The following AKAP7 variants were observed in gnomAD, a reference collection of about 807,000 sequenced individuals.
AKAP7 encodes A kinase (PRKA) anchor protein 7.
Under a neutral mutation model 39.5 loss-of-function variants are expected in AKAP7, and 39 were observed. That is an observed-to-expected ratio of 0.99 (90% CI 0.76 to 1.29). The LOEUF is 1.29. Among genes scored for constraint, AKAP7 ranks in the 50% most tolerant of loss-of-function variants. The pLI, the probability that AKAP7 is intolerant of heterozygous loss-of-function variation, is 0.00. For synonymous variants in AKAP7, 140 were observed against 139.1 expected, an observed-to-expected ratio of 1.01 and a Z score of -0.05; for missense variants, 414 against 407.7, an observed-to-expected ratio of 1.02 and a Z score of -0.13.
Position 131,199,526 on chromosome 6 carries a change from CATT to C in AKAP7, c.656_658del (p.His219del). The C allele has an allele frequency of 6.2e-7, 1 of 1,612,208 alleles. No homozygotes were observed. The highest frequency in any genetic ancestry group is 1.1e-5 in the South Asian group (1 of 91,006). ...AGGAGAGAGCAGAAGTTTTAAACCTCATTTGACCTTCATGAAGTTGTCAAAATC... is the reference window on the plus strand; with the variant it reads ...AGGAGAGAGCAGAAGTTTTAAACCTCTGACCTTCATGAAGTTGTCAAAATC... On this transcript the variant is annotated inframe_deletion, in exon 6 of 8. Coordinates refer to ENST00000431975, the MANE Select transcript of AKAP7 (RefSeq NM_016377.4).
At chr6:131,144,480 G>A (rs1018361873) in intron 1 of AKAP7, among the ~76,000 whole-genome samples, 1 of 152,150 alleles carries the variant, frequency 6.6e-6, no homozygotes, top group Non-Finnish European at 1.5e-5. Context: ...TAGTATTCCA[G>A]GATTCTGTTC....
chr6:131,262,039 AAC>A (rs1813391721), intron 7 of AKAP7, among the ~76,000 whole-genome samples: 1 of 152,182 alleles, frequency 6.6e-6, no homozygotes, highest in African/African-American at 2.4e-5. Flanking sequence ...GTGTCCCAGT[AAC>A]ACAGAATAGG....
chr6:131,134,933 C>A (rs1800419092), upstream of AKAP7, among the ~76,000 whole-genome samples: 1 of 152,122 alleles, frequency 6.6e-6, no homozygotes, highest in Non-Finnish European at 1.5e-5. Context: ...AAGTAAATTT[C>A]TTTTTCTCCC....
chr6:131,161,773 G>A (rs528434925), intron 3 of AKAP7, among the ~76,000 whole-genome samples: 3 of 148,438 alleles, frequency 2.0e-5, no homozygotes, highest in Non-Finnish European at 4.4e-5. Context: ...TAAAATACTT[G>A]CAAGTTTGGT....
intron 7 of AKAP7, among the ~76,000 whole-genome samples, chr6:131,280,405 C>T (rs530935136): frequency 6.6e-6 from 1 of 152,184 alleles, no homozygotes; most frequent in East Asian, 1.9e-4. Context: ...AGGTTGGGGG[C>T]CAGTTCTCAC....
At chr6:131,222,495 C>G (rs1809795148) in intron 7 of AKAP7, among the ~76,000 whole-genome samples, 1 of 151,982 alleles carries the variant, frequency 6.6e-6, no homozygotes, top group Non-Finnish European at 1.5e-5. Context: ...CCACTGCACT[C>G]CAGCCTGGGT....
intron 7 of AKAP7, among the ~76,000 whole-genome samples, chr6:131,255,729 T>C (rs1812788583): frequency 6.6e-6 from 1 of 152,198 alleles, no homozygotes; most frequent in Non-Finnish European, 1.5e-5. Flanking sequence ...AGGGCTTCAG[T>C]TCCTCAGATT....
chr6:131,241,577 A>ATATGTGTGTGTGTG (rs1349874555), intron 7 of AKAP7, among the ~76,000 whole-genome samples: 14 of 81,280 alleles, frequency 1.7e-4, no homozygotes, highest in African/African-American at 5.9e-4. Context: ...GATTATATAT[A>ATATGTGTGTGTGTG]TGTGTGTGTG....
At chr6:131,174,621 A>G (rs1322844927) in intron 5 of AKAP7, among the ~76,000 whole-genome samples, 1 of 152,240 alleles carries the variant, frequency 6.6e-6, no homozygotes, top group African/African-American at 2.4e-5. Context: ...GATTAGTGCC[A>G]CTTTAACCCA....
chr6:131,186,641 AG>A (rs2128264855), intron 5 of AKAP7, among the ~76,000 whole-genome samples: 1 of 152,302 alleles, frequency 6.6e-6, no homozygotes, highest in African/African-American at 2.4e-5. Flanking sequence ...GTGTTTGGAG[AG>A]GGCTCTCTGC....
chr6:131,153,173 T>C (rs897167526), intron 2 of AKAP7, among the ~76,000 whole-genome samples: 2 of 150,818 alleles, frequency 1.3e-5, no homozygotes, highest in African/African-American at 2.4e-5. Context: ...TCAATGTGTA[T>C]CAAGTGTATG....
chr6:131,130,824 A>G (rs1025679799), upstream of AKAP7, among the ~76,000 whole-genome samples: 12 of 152,216 alleles, frequency 7.9e-5, no homozygotes, highest in Admixed American at 7.2e-4. Flanking sequence ...AGTATTTTGG[A>G]GGAATTTCAC....
chr6:131,185,412 T>C (rs752102015), intron 5 of AKAP7: 7 of 504,250 alleles, frequency 1.4e-5, no homozygotes, highest in Non-Finnish European at 2.3e-5. Flanking sequence ...GCATTGTAAT[T>C]GTGGCCCTGC....
chr6:131,136,157 C>T (rs77095004), intron 1 of AKAP7, among the ~76,000 whole-genome samples: 3 of 152,156 alleles, frequency 2.0e-5, no homozygotes, highest in Non-Finnish European at 2.9e-5. Flanking sequence ...AGTAAAATTT[C>T]GATTTTATCT....
chr6:131,147,167 T>C (rs1801548005), intron 2 of AKAP7, among the ~76,000 whole-genome samples: 1 of 152,232 alleles, frequency 6.6e-6, no homozygotes, highest in African/African-American at 2.4e-5. Flanking sequence ...CAGAGTGATG[T>C]AAAAGCACAG....
At chr6:131,227,919 T>C (rs896420876) in intron 7 of AKAP7, among the ~76,000 whole-genome samples, 1 of 152,312 alleles carries the variant, frequency 6.6e-6, no homozygotes, top group African/African-American at 2.4e-5. Context: ...AAAAGGCTTG[T>C]TGTGGTTCAC....
intron 7 of AKAP7, among the ~76,000 whole-genome samples, chr6:131,222,498 G>T (rs1809796291): frequency 6.6e-6 from 1 of 152,094 alleles, no homozygotes; most frequent in East Asian, 1.9e-4. Context: ...CTGCACTCCA[G>T]CCTGGGTGAC....
chr6:131,203,872 T>C (rs900934150), intron 6 of AKAP7, among the ~76,000 whole-genome samples: 1 of 152,210 alleles, frequency 6.6e-6, no homozygotes, highest in Non-Finnish European at 1.5e-5. Context: ...AACTTCCTTG[T>C]TCACTTTTCT....
At chr6:131,139,365 C>G (rs1010615924) in intron 1 of AKAP7, among the ~76,000 whole-genome samples, 5 of 152,116 alleles carry the variant, frequency 3.3e-5, no homozygotes, top group African/African-American at 1.2e-4. Context: ...ATTTCAAGTT[C>G]TAGACTCCTG....
Sources: allele counts gnomAD v4.1 joint callset (sites outside exome capture counted in the v4.1 genomes callset), GRCh38; gene constraint gnomAD v4.1.1; transcripts MANE v1.5; gene names NCBI Gene and HGNC (gene_info 2026-07-23, HGNC 2026-07-21).